Variants in PEX7 observed in about 807,000 individuals in gnomAD.
PEX7 encodes PTS2 receptor.
A neutral mutation model predicts 47.5 loss-of-function variants in PEX7; 34 were observed. The ratio of observed to expected loss-of-function variants is 0.72; its 90% CI spans 0.54 to 0.95. The LOEUF is 0.95. PEX7 is among the 40% of genes least tolerant of loss of function. The pLI is 0.00. For missense variants in PEX7, 394 were observed against 400.3 expected, an observed-to-expected ratio of 0.98 and a Z score of 0.13; for synonymous variants, 141 against 148.8, an observed-to-expected ratio of 0.95 and a Z score of 0.38.
chr6:136,865,168 T>A (rs1775037014), intron 5 of PEX7, among the ~76,000 whole-genome samples: 1 of 152,208 alleles, frequency 6.6e-6, no homozygotes, highest in African/African-American at 2.4e-5. Context: ...TTTAGCTTGT[T>A]GGCCAGGCAT....
At chr6:136,857,524 G>C (rs1774881760) in intron 5 of PEX7, among the ~76,000 whole-genome samples, 1 of 152,182 alleles carries the variant, frequency 6.6e-6, no homozygotes, top group African/African-American at 2.4e-5. Context: ...GGAATGCTAA[G>C]ACAAAATCTA....
At position 136,894,677 on chromosome 6, in the gene PEX7, CA is replaced by C. The variant is rs542809878; in HGVS notation, c.804-3460del. Among the ~76,000 whole-genome samples the C allele has an allele frequency of 3.9e-5, 6 of 152,070 alleles. No homozygotes were observed. In the East Asian group the frequency reaches 1.2e-3, roughly 29 times the overall value. On this transcript the variant is annotated intron_variant, in intron 8 of 9. Coordinates refer to ENST00000318471, the MANE Select transcript of PEX7 (RefSeq NM_000288.4). ...TTGCATTGTTAAAGAATTGTGGAAC[CA>C]AAAAGCAAAAAATAACTCAACCAAG...
At chr6:136,903,336 C>CTTT (rs552573661) in intron 9 of PEX7, among the ~76,000 whole-genome samples, 36 of 126,300 alleles carry the variant, frequency 2.9e-4, no homozygotes, top group African/African-American at 6.4e-4. Context: ...CTTTCTTTCT[C>CTTT]TTTTTTTTTT....
intron 3 of PEX7, among the ~76,000 whole-genome samples, chr6:136,837,814 A>C (rs1774421791): frequency 2.6e-5 from 2 of 77,608 alleles, no homozygotes; most frequent in South Asian, 3.9e-4. Context: ...TTTAAACGCC[A>C]CACACACACA....
At chr6:136,859,742 G>T (rs1774923705) in intron 5 of PEX7, among the ~76,000 whole-genome samples, 1 of 151,960 alleles carries the variant, frequency 6.6e-6, no homozygotes, top group Non-Finnish European at 1.5e-5. Context: ...ACTGGTTCTG[G>T]CCAGGCACAG....
chr6:136,903,409 C>T (rs2115283549), intron 9 of PEX7, among the ~76,000 whole-genome samples: 1 of 147,538 alleles, frequency 6.8e-6, no homozygotes, highest in Non-Finnish European at 1.5e-5. Context: ...CTCCTGAGCT[C>T]AAGCAGTCCT....
chr6:136,903,259 A>G (rs763546038), intron 9 of PEX7, among the ~76,000 whole-genome samples: 44 of 151,738 alleles, frequency 2.9e-4, no homozygotes, highest in Non-Finnish European at 3.8e-4. Flanking sequence ...CCTCCTTCCC[A>G]GTGGTAGCCA....
In PEX7 at chr6:136,837,581, A is replaced by G. The variant is rs368063305; in HGVS notation, c.340-8034A>G. 5.9e-5 allele frequency among the ~76,000 whole-genome samples: 9 copies of G among 152,228 alleles called. No homozygotes were observed. In the East Asian group the frequency reaches 7.7e-4, roughly 13 times the overall value. On this transcript the variant is annotated intron_variant, in intron 3 of 9. Transcript: ENST00000318471. ...AGTGAATATTCTTAGTGCCCTGAGT[A>G]TGGCCTCTAAATACTGTTTGCCACT...
At chr6:136,838,721 G>A (rs1774439723) in intron 3 of PEX7, among the ~76,000 whole-genome samples, 1 of 152,182 alleles carries the variant, frequency 6.6e-6, no homozygotes, top group African/African-American at 2.4e-5. Flanking sequence ...TCTGATGTTA[G>A]AATACTCCAG....
At chr6:136,913,206 A>G (rs1397779477) in intron 9 of PEX7, among the ~76,000 whole-genome samples, 1 of 152,220 alleles carries the variant, frequency 6.6e-6, no homozygotes, top group Admixed American at 6.5e-5. Context: ...TTCTTATAGG[A>G]AACCTCAGTC....
intron 1 of PEX7, among the ~76,000 whole-genome samples, chr6:136,823,590 T>G (rs1323522305): frequency 6.6e-6 from 1 of 151,464 alleles, no homozygotes; most frequent in Non-Finnish European, 1.5e-5. Flanking sequence ...AGACCCCGTC[T>G]TAAAAAGAAA....
chr6:136,900,356 C>T lies in PEX7; in HGVS notation c.903+2115C>T. On this transcript the variant is annotated intron_variant, in intron 9 of 9. Transcript: ENST00000318471. This position sits in a 1 kb window ranked among gnomAD's most constrained non-coding sequence, Gnocchi z 4.2. ...GTATTATTTTAATTATTTTTATGTA[C>T]AGAAAACTCAACCGTGTACATTTAA... The T allele has an allele frequency of 4.8e-6, 1 of 208,632 alleles. No homozygotes were observed. Among genetic ancestry groups the T allele is most frequent in the Non-Finnish European group, 1.0e-5 (1 of 99,484 alleles). The allele number at this position is 208,632 out of a possible 1,614,324, so 12.9% of individuals were successfully genotyped here.
intron 3 of PEX7, among the ~76,000 whole-genome samples, chr6:136,840,677 T>C (rs1038674757): frequency 5.9e-5 from 9 of 152,238 alleles, no homozygotes; most frequent in African/African-American, 1.9e-4. Context: ...TGGTAACTTA[T>C]GGTTGATGGT....
chr6:136,822,987 A>G, intron 1 of PEX7, 192 bp downstream of exon 1: 1 of 985,484 alleles, frequency 1.0e-6, no homozygotes, highest in Non-Finnish European at 1.2e-6. Context: ...GGTCTGAAGC[A>G]GGAGTCGATC....
intron 2 of PEX7, 25 bp downstream of exon 2, chr6:136,825,296 G>T (rs370604445): frequency 2.6e-6 from 4 of 1,561,838 alleles, no homozygotes; most frequent in Non-Finnish European, 2.6e-6. Flanking sequence ...ATTATTAAAG[G>T]TATATATTGT....
chr6:136,853,827 C>T (rs1774805276), intron 5 of PEX7, among the ~76,000 whole-genome samples: 1 of 152,052 alleles, frequency 6.6e-6, no homozygotes, highest in Non-Finnish European at 1.5e-5. Context: ...TATTTTTGTT[C>T]TCTGATAAAA....
chr6:136,905,532 C>CT (rs1219107101), intron 9 of PEX7, among the ~76,000 whole-genome samples: 4 of 152,120 alleles, frequency 2.6e-5, no homozygotes, highest in Admixed American at 6.6e-5. Flanking sequence ...CCGAATTAGC[C>CT]TTTTTTCAGA....
intron 8 of PEX7, among the ~76,000 whole-genome samples, chr6:136,878,470 A>T (rs1775317583): frequency 6.6e-6 from 1 of 152,028 alleles, no homozygotes; most frequent in Non-Finnish European, 1.5e-5. Context: ...TTATTTTGAG[A>T]TACTCTCCTT....
intron 8 of PEX7, among the ~76,000 whole-genome samples, chr6:136,887,813 A>G (rs892615100): frequency 3.9e-5 from 6 of 152,216 alleles, no homozygotes; most frequent in African/African-American, 1.4e-4. Context: ...TTATTATTTA[A>G]TGATATTAGT....
Sources: allele counts gnomAD v4.1 joint callset (sites outside exome capture counted in the v4.1 genomes callset), GRCh38; gene constraint gnomAD v4.1.1; non-coding constraint Gnocchi (gnomAD v3.1); transcripts MANE v1.5; gene names NCBI Gene and HGNC (gene_info 2026-07-23, HGNC 2026-07-21).